Variants in KLHL29 observed in about 807,000 individuals in gnomAD.
The protein encoded by KLHL29 is kelch like family member 29, also known as kelch-like protein 29.
KLHL29 carries 21 observed loss-of-function variants against 80.4 expected under a neutral mutation model. The observed-to-expected ratio is 0.26, with a 90% CI of 0.19 to 0.38. KLHL29 has a LOEUF of 0.38. Ranked by LOEUF, KLHL29 falls within the 10% of genes least tolerant of loss-of-function variation. KLHL29 has a pLI of 1.00. For missense variants in KLHL29, 867 were observed against 1,223.9 expected, an observed-to-expected ratio of 0.71 and a Z score of 4.35; for synonymous variants, 511 against 526.8, an observed-to-expected ratio of 0.97 and a Z score of 0.41.
intron 1 of KLHL29, among the ~76,000 whole-genome samples, chr2:23,402,816 CTT>C (rs1345980592): frequency 1.3e-5 from 2 of 151,902 alleles, no homozygotes; most frequent in Non-Finnish European, 2.9e-5. Context: ...AATAAGGAAA[CTT>C]AATTAATACA....
chr2:23,482,154 A>G (rs1438681360), intron 2 of KLHL29, among the ~76,000 whole-genome samples: 1 of 152,196 alleles, frequency 6.6e-6, no homozygotes, highest in East Asian at 1.9e-4. Context: ...CCTGAAAGCC[A>G]GGGAGCTGAG....
intron 1 of KLHL29, among the ~76,000 whole-genome samples, chr2:23,461,797 C>T (rs920166767): frequency 2.0e-5 from 3 of 151,916 alleles, no homozygotes; most frequent in African/African-American, 7.3e-5. Context: ...AAAGCTGCAT[C>T]GTTAGCCAGC....
intron 1 of KLHL29, among the ~76,000 whole-genome samples, chr2:23,451,755 A>G (rs1030514642): frequency 1.3e-5 from 2 of 152,266 alleles, no homozygotes; most frequent in African/African-American, 4.8e-5. Flanking sequence ...ACGTTGACCC[A>G]GAAAACTGGC....
intron 3 of KLHL29, among the ~76,000 whole-genome samples, chr2:23,594,534 A>G (rs576728555): frequency 3.9e-5 from 6 of 152,226 alleles, no homozygotes; most frequent in Non-Finnish European, 5.9e-5. Context: ...CTGCATTTCA[A>G]TTCTCCATCT....
At chr2:23,467,664 A>G (rs1234610787) in intron 1 of KLHL29, among the ~76,000 whole-genome samples, 2 of 152,208 alleles carry the variant, frequency 1.3e-5, no homozygotes, top group Non-Finnish European at 2.9e-5. Flanking sequence ...TTGGGCTCAA[A>G]GGAAAGGCAG....
chr2:23,692,953 C>T (rs1005511963), intron 7 of KLHL29, among the ~76,000 whole-genome samples: 6 of 152,172 alleles, frequency 3.9e-5, no homozygotes, highest in African/African-American at 9.7e-5. Flanking sequence ...TGACTCCTGA[C>T]GCCTGACCCC....
At chr2:23,626,099 G>T (rs1669301121) in intron 3 of KLHL29, among the ~76,000 whole-genome samples, 1 of 152,128 alleles carries the variant, frequency 6.6e-6, no homozygotes, top group Non-Finnish European at 1.5e-5. Context: ...GGTAGGAGGA[G>T]TTGGGGGGGC....
At chr2:23,651,967 C>A (rs1670099386) in intron 5 of KLHL29, among the ~76,000 whole-genome samples, 1 of 152,170 alleles carries the variant, frequency 6.6e-6, no homozygotes, top group Non-Finnish European at 1.5e-5. Flanking sequence ...TCTCCAGATA[C>A]AATCACATTG....
rs1457658921 is a variant in KLHL29 at position 23,619,653 on chromosome 2, T to G, written c.286-19486T>G. Among the ~76,000 whole-genome samples the G allele has an allele frequency of 6.6e-5, 10 of 152,156 alleles. No homozygotes were observed. The East Asian group carries it at 1.9e-3, about 29-fold the overall frequency. The stretch of plus-strand genomic sequence containing the variant: ...CCTTTGGTGAAAAATCAATGTCTGG[T>G]GTCAGGACTCCCCTATTAACAGCTT... On this transcript the variant is annotated intron_variant, in intron 3 of 13. Transcript: ENST00000486442.
intron 1 of KLHL29, among the ~76,000 whole-genome samples, chr2:23,393,300 T>C (rs1666367392): frequency 6.6e-6 from 1 of 152,262 alleles, no homozygotes; most frequent in Non-Finnish European, 1.5e-5. Context: ...TTTGATGCTA[T>C]ATTTGGGCAT....
At chr2:23,472,336 G>C (rs1386460529) in intron 1 of KLHL29, among the ~76,000 whole-genome samples, 1 of 152,124 alleles carries the variant, frequency 6.6e-6, no homozygotes, top group East Asian at 1.9e-4. Context: ...CTGAGATGGT[G>C]ATGCTGAGAT....
At chr2:23,506,490 C>A (rs1006156726) in intron 2 of KLHL29, among the ~76,000 whole-genome samples, 1 of 152,218 alleles carries the variant, frequency 6.6e-6, no homozygotes, top group Non-Finnish European at 1.5e-5. Flanking sequence ...CCTGTAGGGT[C>A]TTTTATTAAT....
chr2:23,505,009 G>C (rs1291163750), intron 2 of KLHL29, among the ~76,000 whole-genome samples: 1 of 152,216 alleles, frequency 6.6e-6, no homozygotes, highest in Non-Finnish European at 1.5e-5. Flanking sequence ...TCATTTCAGA[G>C]CATCCTTTTG....
At chr2:23,511,201 A>C (rs1665763355) in intron 2 of KLHL29, among the ~76,000 whole-genome samples, 1 of 152,088 alleles carries the variant, frequency 6.6e-6, no homozygotes. Context: ...AATCTTTAGG[A>C]GTGTGGCCCA....
intron 2 of KLHL29, among the ~76,000 whole-genome samples, chr2:23,559,434 G>A (rs1209841333): frequency 6.6e-6 from 1 of 152,180 alleles, no homozygotes; most frequent in African/African-American, 2.4e-5. Flanking sequence ...AAGACTGGGG[G>A]CGGGCAGGCA....
intron 3 of KLHL29, among the ~76,000 whole-genome samples, chr2:23,637,010 C>T (rs571010232): frequency 1.3e-5 from 2 of 152,244 alleles, no homozygotes; most frequent in African/African-American, 4.8e-5. Flanking sequence ...AAAACCTCTG[C>T]AGCCTCTTGC....
chr2:23,658,742 G>C (rs932506622), intron 5 of KLHL29, among the ~76,000 whole-genome samples: 1 of 152,206 alleles, frequency 6.6e-6, no homozygotes, highest in Non-Finnish European at 1.5e-5. Context: ...AACTCACACT[G>C]ACATGCTGAC....
intron 1 of KLHL29, among the ~76,000 whole-genome samples, chr2:23,442,210 C>CCTTCCAAGTAGCTGAGACCACAGA (rs1663547241): frequency 6.6e-6 from 1 of 152,114 alleles, no homozygotes; most frequent in Non-Finnish European, 1.5e-5. Flanking sequence ...CCCACCTCAG[C>CCTTCCAAGTAGCTGAGACCACAGA]CTTCCAAGTA....
At chr2:23,636,478 C>T (rs192413939) in intron 3 of KLHL29, among the ~76,000 whole-genome samples, 24 of 152,100 alleles carry the variant, frequency 1.6e-4, no homozygotes, top group Admixed American at 1.4e-3. Context: ...TATTCATGAA[C>T]GACACAGCCA....
Sources: allele counts gnomAD v4.1 joint callset (sites outside exome capture counted in the v4.1 genomes callset), GRCh38; gene constraint gnomAD v4.1.1; transcripts MANE v1.5; gene names NCBI Gene and HGNC (gene_info 2026-07-23, HGNC 2026-07-21).